The following RAPGEF6 variants were observed in gnomAD, a reference collection of about 807,000 sequenced individuals.
RAPGEF6 encodes the protein Rap guanine nucleotide exchange factor 6, also known as PDZ domain containing guanine nucleotide exchange factor (GEF) 2.
Under a neutral mutation model 171.4 loss-of-function variants are expected in RAPGEF6, and 56 were observed. The ratio of observed to expected loss-of-function variants is 0.33; its 90% CI spans 0.26 to 0.41. The LOEUF is 0.41. Among genes scored for constraint, RAPGEF6 ranks in the 10% least tolerant of loss-of-function variants. The probability of loss-of-function intolerance (pLI) is 1.00; values close to 1 mark genes in which losing one functional copy is unlikely to be tolerated. For missense variants in RAPGEF6, 1,674 were observed against 1,921.4 expected (o/e 0.87, Z 2.41); for synonymous variants, 692 against 650.1 (o/e 1.06, Z -0.98).
In RAPGEF6 at chr5:131,461,724, A is replaced by C. The variant is rs779224138; in HGVS notation, c.2845T>G (p.Ser949Ala). Residue 949 changes from serine (S) to alanine (A), a missense_variant, in exon 19 of 28, where the codon TCC becomes GCC. Around this residue, in one of 3 missense-constraint regions of RAPGEF6, gnomAD observed 1,116 missense variants for 1,321.5 expected, o/e 0.84. Transcript: ENST00000509018. ...ACTTACCTTATTATTGCAAACATGG[A>C]ATTGAAGTTCTTACATTCTCGACAA... is the stretch of plus-strand genomic sequence containing the variant. The part of the protein sequence containing the change: ...LHCRECKNFN[S>A]MFAIISGLNL... 6.3e-7 allele frequency: 1 copy of C among 1,599,926 alleles called. No homozygotes were observed. Among genetic ancestry groups the C allele is most frequent in the Non-Finnish European group, 8.6e-7 (1 of 1,169,142 alleles).
In RAPGEF6 at chr5:131,487,427, GATTGGTCCATTTTACAGAGTGCTA is replaced by G. The variant is rs1291228335; in HGVS notation, c.1840+2095_1840+2118del. Among the ~76,000 whole-genome samples the G allele has an allele frequency of 1.1e-4, 17 of 152,306 alleles. No homozygotes were observed. The East Asian group carries it at 2.5e-3, about 23-fold the overall frequency. On this transcript the variant is annotated intron_variant, in intron 15 of 27. Transcript: ENST00000509018. ...GATTGGTCCATTTTACAGAGTGCTTGATTGGTCCATTTTACAGAGTGCTAATTGGTCCATTTTACAGAGTGCTGA... is the reference window on the plus strand; with the variant it reads ...GATTGGTCCATTTTACAGAGTGCTTGATTGGTCCATTTTACAGAGTGCTGA...
chr5:131,431,309 C>T lies in RAPGEF6; in HGVS notation c.4015G>A (p.Val1339Ile), dbSNP rs1180014321. 1.2e-6 allele frequency: 2 copies of T among 1,611,134 alleles called. No homozygotes were observed. The highest frequency in any genetic ancestry group is 2.2e-5 in the South Asian group (2 of 91,050). ...TCTTCATTGCTCACAGACGATGAGA[C>T]AGCTAAACACTTGATTAGAGATGGC... ...LKPSLIKCLA[V>I]SSSVSNEEIS... The change falls in exon 26 of 28, where the codon GTC becomes ATC. Residue 1339 changes from valine to isoleucine, a missense_variant. Val to Ile is a conservative substitution (Grantham distance 29, BLOSUM62 3). This residue lies in a region of RAPGEF6 where 552 missense variants were observed against 574.2 expected (regional missense o/e 0.96). Coordinates refer to ENST00000509018, the MANE Select transcript of RAPGEF6 (RefSeq NM_016340.6).
chr5:131,433,807 G>T (rs1282048417), intron 24 of RAPGEF6, 149 bp from the exon 25 acceptor site: 3 of 636,266 alleles, frequency 4.7e-6, no homozygotes, highest in Non-Finnish European at 5.4e-6. Context: ...AGATATAATG[G>T]TGCCAATTTT....
chr5:131,580,201 T>G (rs1762863152), intron 4 of RAPGEF6, among the ~76,000 whole-genome samples: 1 of 151,954 alleles, frequency 6.6e-6, no homozygotes, highest in Non-Finnish European at 1.5e-5. Context: ...TGAGGCCTGG[T>G]GAGAATTCGA....
intron 17 of RAPGEF6, among the ~76,000 whole-genome samples, chr5:131,471,815 A>G (rs942607816): frequency 1.3e-5 from 2 of 152,210 alleles, no homozygotes; most frequent in Admixed American, 6.5e-5. Context: ...CGCTCTGATA[A>G]CAATACATGA....
At chr5:131,593,820 T>C (rs1455220029) in intron 3 of RAPGEF6, among the ~76,000 whole-genome samples, 1 of 152,202 alleles carries the variant, frequency 6.6e-6, no homozygotes, top group African/African-American at 2.4e-5. Context: ...GATCTGATTG[T>C]TTCTAAAAGT....
intron 4 of RAPGEF6, among the ~76,000 whole-genome samples, chr5:131,564,093 G>A (rs560605165): frequency 7.2e-5 from 11 of 152,248 alleles, no homozygotes; most frequent in Non-Finnish European, 1.3e-4. Flanking sequence ...ACCACCTACA[G>A]GCAAGAGAAG....
chr5:131,536,620 CAAG>C (rs1378239268), intron 6 of RAPGEF6, among the ~76,000 whole-genome samples: 14 of 151,978 alleles, frequency 9.2e-5, no homozygotes, highest in East Asian at 5.8e-4. Flanking sequence ...GAAGAAAAAC[CAAG>C]AAGGAGAGAG....
rs148784473 is a variant in RAPGEF6, at chr5:131,543,510, C to A, written c.495+4537G>T. On this transcript the variant is annotated intron_variant, in intron 6 of 27. Transcript: ENST00000509018. The stretch of plus-strand genomic sequence containing the variant: ...ACATGGGCAAATTAAGTGAAAAGCA[C>A]AAATTCTGAAACATGTGAAAGGAAG... Among the ~76,000 whole-genome samples, 563 of 152,204 alleles carry A rather than the reference C, an allele frequency of 3.7e-3. 4 individuals carry two copies. Among genetic ancestry groups the A allele is most frequent in the African/African-American group, 0.013 (532 of 41,536 alleles).
At chr5:131,503,430 G>T (rs1475076148) in intron 11 of RAPGEF6, among the ~76,000 whole-genome samples, 1 of 152,188 alleles carries the variant, frequency 6.6e-6, no homozygotes, top group Non-Finnish European at 1.5e-5. Context: ...AAAAGTATAT[G>T]TGTAAGCCTA....
intron 21 of RAPGEF6, chr5:131,449,955 G>A (rs1417606381): frequency 6.9e-7 from 1 of 1,446,670 alleles, no homozygotes; most frequent in African/African-American, 1.4e-5. Context: ...GTGCATTAAT[G>A]AAAAGGATGC....
chr5:131,613,033 T>TTA (rs2150025621), intron 1 of RAPGEF6, among the ~76,000 whole-genome samples: 1 of 152,326 alleles, frequency 6.6e-6, no homozygotes, highest in Admixed American at 6.5e-5. Flanking sequence ...TGTAATCTCC[T>TTA]TATTTTAAAG....
chr5:131,568,443 G>A (rs1186660581), intron 4 of RAPGEF6, among the ~76,000 whole-genome samples: 4 of 151,750 alleles, frequency 2.6e-5, no homozygotes, highest in African/African-American at 9.7e-5. Flanking sequence ...CTATCCTCTC[G>A]CCTCAGCCTC....
At chr5:131,554,112 T>G (rs1319331208) in intron 5 of RAPGEF6, among the ~76,000 whole-genome samples, 1 of 152,148 alleles carries the variant, frequency 6.6e-6, no homozygotes, top group East Asian at 1.9e-4. Flanking sequence ...AATTAATGTC[T>G]GACTCCTCAA....
intron 7 of RAPGEF6, among the ~76,000 whole-genome samples, chr5:131,513,156 T>C (rs1353093935): frequency 2.0e-5 from 3 of 152,316 alleles, no homozygotes; most frequent in Non-Finnish European, 4.4e-5. Flanking sequence ...TTGCAGGTTA[T>C]AATCCTTTTT....
chr5:131,442,840 T>C (rs1421321150), intron 22 of RAPGEF6, among the ~76,000 whole-genome samples: 3 of 152,176 alleles, frequency 2.0e-5, no homozygotes, highest in Non-Finnish European at 4.4e-5. Flanking sequence ...CGGGCTGAAG[T>C]GCAATGGTGC....
At chr5:131,582,341 GA>G (rs986375186) in intron 4 of RAPGEF6, among the ~76,000 whole-genome samples, 2 of 152,176 alleles carry the variant, frequency 1.3e-5, no homozygotes, top group African/African-American at 4.8e-5. Context: ...ATCCAGAAGA[GA>G]AAAAATATTT....
At chr5:131,603,186 T>C (rs2150014889) in intron 3 of RAPGEF6, 85 bp downstream of exon 3, 1 of 999,772 alleles carries the variant, frequency 1.0e-6, no homozygotes, top group South Asian at 1.4e-5. Context: ...ACATAAATTG[T>C]CCCAGAATCA....
intron 9 of RAPGEF6, among the ~76,000 whole-genome samples, chr5:131,506,666 T>C (rs2149890736): frequency 6.6e-6 from 1 of 152,274 alleles, no homozygotes; most frequent in South Asian, 2.1e-4. Context: ...ATTAAGCTAC[T>C]GGAAGACAGG....
Sources: gnomAD v4.1 joint callset for allele counts (sites outside exome capture counted in the v4.1 genomes callset) on GRCh38, gnomAD v4.1.1 for gene constraint, gnomAD v4.1.1 regional missense constraint, MANE v1.5 for transcripts, NCBI Gene and HGNC (gene_info 2026-07-23, HGNC 2026-07-21) for gene names.